The following ADCY5 variants were observed in gnomAD, a reference collection of about 807,000 sequenced individuals.
ADCY5 encodes adenylate cyclase type 5.
A neutral mutation model predicts 119.7 loss-of-function variants in ADCY5; 30 were observed. The ratio of observed to expected loss-of-function variants is 0.25; its 90% CI spans 0.19 to 0.34. ADCY5 has a LOEUF of 0.34. ADCY5 is among the 10% of genes least tolerant of loss of function. ADCY5 has a pLI of 1.00. For synonymous variants in ADCY5, 753 were observed against 762.2 expected, an observed-to-expected ratio of 0.99 and a Z score of 0.20; for missense variants, 1,324 against 1,775.2, an observed-to-expected ratio of 0.75 and a Z score of 4.57.
intron 3 of ADCY5, among the ~76,000 whole-genome samples, chr3:123,341,474 G>A (rs977655778): frequency 6.6e-6 from 1 of 151,958 alleles, no homozygotes. Flanking sequence ...CAGGAGCTTG[G>A]GGGAGGGAGG....
At chr3:123,411,001 T>C (rs1048201270) in intron 1 of ADCY5, among the ~76,000 whole-genome samples, 1 of 152,142 alleles carries the variant, frequency 6.6e-6, no homozygotes, top group Admixed American at 6.5e-5. Flanking sequence ...CTAAATTCCT[T>C]AGCACTAGCC....
chr3:123,341,185 GCACTATT>G (rs1271878241), intron 3 of ADCY5, among the ~76,000 whole-genome samples: 9 of 152,216 alleles, frequency 5.9e-5, no homozygotes, highest in African/African-American at 2.2e-4. Flanking sequence ...GTTCCTAGAA[GCACTATT>G]CACAATAGCC....
In ADCY5 at chr3:123,448,276, G is replaced by A. The variant is rs1201148576; in HGVS notation, c.270C>T (p.Ala90=). ...DPPLSGDDPL[A]GGFGFSFRSK... is the part of the protein sequence containing the mutation. ...AGCGGAAGCTGAAGCCGAAGCCCCCGGCCAGGGGGTCGTCACCGCTCAGCG... is the reference window on the plus strand; with the variant it reads ...AGCGGAAGCTGAAGCCGAAGCCCCCAGCCAGGGGGTCGTCACCGCTCAGCG... The change falls in exon 1 of 21, where the codon GCC becomes GCT. Residue 90 remains alanine (A), a synonymous_variant. Transcript: ENST00000462833. 1.4e-5 allele frequency: 22 copies of A among 1,522,500 alleles called. No homozygotes were observed. The highest frequency in any genetic ancestry group is 1.8e-5 in the Non-Finnish European group (21 of 1,144,340). 94.3% of individuals were successfully genotyped at this position (1,522,500 alleles called of 1,614,324 possible). A position where few individuals can be genotyped will look rare whatever the true frequency, so the allele number is the denominator to read the frequency against.
chr3:123,434,516 A>G (rs537749949), intron 1 of ADCY5, among the ~76,000 whole-genome samples: 11 of 152,366 alleles, frequency 7.2e-5, no homozygotes, highest in African/African-American at 2.6e-4. Flanking sequence ...TTGTTTTAAC[A>G]CATCACCTCG....
intron 1 of ADCY5, among the ~76,000 whole-genome samples, chr3:123,362,943 A>G (rs571348951): frequency 1.3e-5 from 2 of 152,210 alleles, no homozygotes; most frequent in South Asian, 4.2e-4. Context: ...GGAGTTCGAG[A>G]CCAGCCTGGC....
chr3:123,329,269 T>C (rs1422072775), intron 5 of ADCY5, among the ~76,000 whole-genome samples: 1 of 152,106 alleles, frequency 6.6e-6, no homozygotes, highest in Non-Finnish European at 1.5e-5. Flanking sequence ...GCTTCCAAGA[T>C]GTTAGCAGGG....
intron 3 of ADCY5, among the ~76,000 whole-genome samples, chr3:123,340,962 T>C (rs906804164): frequency 6.6e-6 from 1 of 151,552 alleles, no homozygotes; most frequent in East Asian, 1.9e-4. Flanking sequence ...CCGTCTCTAC[T>C]AAAAATACAA....
chr3:123,407,998 T>G (rs1437344153), intron 1 of ADCY5, among the ~76,000 whole-genome samples: 1 of 151,914 alleles, frequency 6.6e-6, no homozygotes, highest in East Asian at 1.9e-4. Context: ...AAATTGAATT[T>G]CATCTCAATT....
intron 1 of ADCY5, among the ~76,000 whole-genome samples, chr3:123,373,619 C>T (rs933150334): frequency 6.6e-6 from 1 of 152,238 alleles, no homozygotes; most frequent in African/African-American, 2.4e-5. Context: ...GTGAGCACCC[C>T]AAGTGCTAGC....
chr3:123,380,711 G>A (rs991087248), intron 1 of ADCY5, among the ~76,000 whole-genome samples: 2 of 152,160 alleles, frequency 1.3e-5, no homozygotes, highest in Non-Finnish European at 1.5e-5. Flanking sequence ...TGGGAAATGG[G>A]GCCCACTCTC....
At chr3:123,309,687 G>T (rs752641222) in intron 12 of ADCY5, among the ~76,000 whole-genome samples, 1 of 152,158 alleles carries the variant, frequency 6.6e-6, no homozygotes, top group Non-Finnish European at 1.5e-5. Flanking sequence ...CTCCTGGAAC[G>T]AAGACCTCTC....
In ADCY5 at chr3:123,448,308, C is replaced by G. The variant is rs750872257; in HGVS notation, c.238G>C (p.Asp80His). The change falls in exon 1 of 21, where the codon GAT (aspartate) becomes CAT (histidine). Residue 80 changes from aspartate to histidine, a missense_variant. By Grantham distance (81) the Asp-to-His change is moderately conservative (BLOSUM62 -1). This residue lies in a region of ADCY5 where 585 missense variants were observed against 569.9 expected (regional missense o/e 1.03). Transcript: ENST00000462833. ...GGGTCGTCACCGCTCAGCGGAGGAT[C>G]GTCGTCGTCGTCGCTGCGCCAGCGG... Reference protein sequence around the residue: ...ASRWRSDDDDDPPLSGDDPLA... With the variant: ...ASRWRSDDDDHPPLSGDDPLA... 5.5e-5 allele frequency: 84 copies of G among 1,523,080 alleles called. No individual in the cohort carries two copies. The highest frequency in any genetic ancestry group is 7.2e-5 in the Non-Finnish European group (82 of 1,144,592). The allele number at this position is 1,523,080 out of a possible 1,614,324, so 94.3% of individuals were successfully genotyped here.
intron 1 of ADCY5, among the ~76,000 whole-genome samples, chr3:123,374,055 A>T (rs1943738853): frequency 6.6e-6 from 1 of 152,160 alleles, no homozygotes. Flanking sequence ...AGGAGAAACC[A>T]CACAAGTGGA....
intron 11 of ADCY5, among the ~76,000 whole-genome samples, chr3:123,316,684 C>A (rs979417189): frequency 1.3e-5 from 2 of 152,040 alleles, no homozygotes; most frequent in African/African-American, 4.8e-5. Flanking sequence ...ACCCTGGCTA[C>A]AAATAAACTA....
In ADCY5 at chr3:123,295,350, TA is replaced by T. The variant is rs534694187; in HGVS notation, c.3063+733del. On this transcript the variant is annotated intron_variant, in intron 17 of 20. Transcript: ENST00000462833. ...AGCTCTGCACAGGGCTGGGCTGGAA[TA>T]AAAGGTGTGAGGCAGCCCACAGGAA... 2.3e-3 allele frequency among the ~76,000 whole-genome samples: 349 copies of T among 152,130 alleles called. 2 individuals carry two copies. Among genetic ancestry groups the T allele is most frequent in the African/African-American group, 7.1e-3 (294 of 41,430 alleles).
intron 1 of ADCY5, among the ~76,000 whole-genome samples, chr3:123,397,906 T>C (rs1285921059): frequency 6.6e-6 from 1 of 152,030 alleles, no homozygotes; most frequent in Non-Finnish European, 1.5e-5. Context: ...TGTGTGGGTG[T>C]AGACACAGCA....
intron 1 of ADCY5, among the ~76,000 whole-genome samples, chr3:123,396,007 A>AGG (rs1944536781): frequency 8.0e-6 from 1 of 124,918 alleles, no homozygotes; most frequent in Non-Finnish European, 1.6e-5. Context: ...AGAAAGAAAG[A>AGG]GAGAAAGAGA....
chr3:123,284,845 AGAAGGAGAGGGGCAGCTGCCCCACT>A, intron 20 of ADCY5, 109 bp from the exon 21 acceptor site: 1 of 1,453,872 alleles, frequency 6.9e-7, no homozygotes, highest in South Asian at 1.2e-5. Flanking sequence ...CCCCTGACAC[AGAAGGAGAGGGGCAGCTGCCCCACT>A]GAGGTGCTCT....
At chr3:123,385,041 G>A (rs1310740745) in intron 1 of ADCY5, among the ~76,000 whole-genome samples, 2 of 152,174 alleles carry the variant, frequency 1.3e-5, no homozygotes, top group Non-Finnish European at 2.9e-5. Flanking sequence ...ACCGCAAACA[G>A]CAGATGGCTC....
Sources: gnomAD v4.1 joint callset for allele counts (sites outside exome capture counted in the v4.1 genomes callset) on GRCh38, gnomAD v4.1.1 for gene constraint, gnomAD v4.1.1 regional missense constraint, MANE v1.5 for transcripts, NCBI Gene and HGNC (gene_info 2026-07-23, HGNC 2026-07-21) for gene names.